The following DNM2 variants were observed in gnomAD, a reference collection of about 807,000 sequenced individuals.
DNM2 encodes dynamin 2.
DNM2 carries 15 observed loss-of-function variants against 99.0 expected under a neutral mutation model. The observed-to-expected ratio is 0.15, with a 90% CI of 0.10 to 0.23. The LOEUF (loss-of-function observed/expected upper bound fraction) is 0.23. Among genes scored for constraint, DNM2 ranks in the 10% least tolerant of loss-of-function variants. The pLI is 1.00. For missense variants in DNM2, 742 were observed against 1,189.4 expected (o/e 0.62, Z 5.53); for synonymous variants, 525 against 481.2 (o/e 1.09, Z -1.19).
At chr19:10,781,836 A>C (rs770067566) in intron 5 of DNM2, 8 of 151,848 alleles carry the variant, frequency 5.3e-5, no homozygotes, top group Non-Finnish European at 4.4e-5. Context: ...GTGTGTATTG[A>C]ATTATCCAGC....
chr19:10,735,513 A>T (rs1384811533), intron 1 of DNM2, among the ~76,000 whole-genome samples: 1 of 151,502 alleles, frequency 6.6e-6, no homozygotes, highest in Non-Finnish European at 1.5e-5. Context: ...ATCATGGAAA[A>T]TTTTATTTTT....
At chr19:10,779,257 T>G (rs2145939128) in intron 5 of DNM2, among the ~76,000 whole-genome samples, 1 of 151,624 alleles carries the variant, frequency 6.6e-6, no homozygotes, top group South Asian at 2.1e-4. Context: ...TTTTATTTTA[T>G]CGGAGCAGCA....
rs1599641906 is a variant in DNM2 at position 10,830,487 on chromosome 19, G to C, written c.2543+109G>C. On this transcript the variant is annotated intron_variant, in intron 20 of 20. Transcript: ENST00000389253. This position sits in a 1 kb window ranked among gnomAD's most constrained non-coding sequence, Gnocchi z 4.8. ...CACTACGTGCCCAGCTGCTGGAGTG[G>C]AGGAATCGTCCTCATCCCTATTTGG... 1.5e-6 allele frequency: 2 copies of C among 1,294,580 alleles called. No homozygotes were observed. The highest frequency in any genetic ancestry group is 4.9e-5 in the East Asian group (2 of 40,866). 80.2% of individuals were successfully genotyped at this position (1,294,580 alleles called of 1,614,324 possible).
intron 14 of DNM2, chr19:10,808,915 C>G: frequency 3.4e-6 from 1 of 292,008 alleles, no homozygotes; most frequent in Non-Finnish European, 6.5e-6. Flanking sequence ...TGGAAGATCT[C>G]GCTTAAGCCA....
intron 6 of DNM2, chr19:10,786,312 G>A: frequency 3.4e-6 from 2 of 582,504 alleles, no homozygotes; most frequent in Admixed American, 2.6e-5. Context: ...GCGTGGATAG[G>A]CCCAGTGCCT....
chr19:10,785,046 A>G (rs1447893211), intron 6 of DNM2, among the ~76,000 whole-genome samples: 1 of 151,816 alleles, frequency 6.6e-6, no homozygotes, highest in African/African-American at 2.4e-5. Flanking sequence ...CTTGTCTCCT[A>G]ATCTCAGGTG....
chr19:10,789,891 A>G (rs776005830), intron 7 of DNM2, among the ~76,000 whole-genome samples: 3 of 152,224 alleles, frequency 2.0e-5, no homozygotes, highest in African/African-American at 7.2e-5. Flanking sequence ...TGTTAAGCCT[A>G]TGGCAGGACT....
Position 10,795,597 on chromosome 19 carries a change from A to C in DNM2, c.1196+158A>C, listed in dbSNP as rs186856304. ...TGCGAGCCCCTCCCTGAGGGTCTCC[A>C]AGGGCACATGAGGGTGGATGTGTCT... On this transcript the variant is annotated intron_variant, in intron 9 of 20. Coordinates refer to ENST00000389253, the MANE Select transcript of DNM2 (RefSeq NM_001005361.3). This position sits in a 1 kb window ranked among gnomAD's most constrained non-coding sequence, Gnocchi z 4.2. The C allele has an allele frequency of 9.0e-4, 700 of 778,228 alleles. 2 individuals are homozygous for C. The African/African-American group carries it at 0.011, about 12-fold the overall frequency. 48.2% of individuals were successfully genotyped at this position (778,228 alleles called of 1,614,324 possible).
Position 10,795,309 on chromosome 19 carries a change from GC to G in DNM2, c.1129-62del. On this transcript the variant is annotated intron_variant, in intron 8 of 20. Coordinates refer to ENST00000389253, the MANE Select transcript of DNM2 (RefSeq NM_001005361.3). The surrounding 1 kb of genome is among the most constrained non-coding windows in gnomAD (Gnocchi z 4.2). Reference sequence around the variant, plus strand: ...ACGTGGGAGAGAACGTTCCCCAGATGCACGCCTGCCACGGGGGCGCCCCGGG... The same window carrying G: ...ACGTGGGAGAGAACGTTCCCCAGATGACGCCTGCCACGGGGGCGCCCCGGG... 2 of 1,507,086 alleles carry G rather than the reference GC, an allele frequency of 1.3e-6. No individual in the cohort carries two copies. The highest frequency in any genetic ancestry group is 1.8e-6 in the Non-Finnish European group (2 of 1,083,054). 93.4% of individuals were successfully genotyped at this position (1,507,086 alleles called of 1,614,324 possible).
chr19:10,718,407 A>AGCGGGCGCGGCAGGGATC lies in DNM2; in HGVS notation c.161+12_161+29dup, dbSNP rs750378486. 28 of 1,467,626 alleles carry AGCGGGCGCGGCAGGGATC rather than the reference A, an allele frequency of 1.9e-5. No homozygotes were observed. The Admixed American group carries it at 2.6e-4, about 13-fold the overall frequency. 90.9% of individuals were successfully genotyped at this position (1,467,626 alleles called of 1,614,324 possible). On this transcript the variant is annotated splice_donor_region_variant and intron_variant, in intron 1 of 20. Transcript: ENST00000389253. ...TGCTGGAGAACTTCGTGGGCCGGTG[A>AGCGGGCGCGGCAGGGATC]GCGGGCGCGGCAGGGATCGCGGGCG...
chr19:10,780,098 A>G (rs1032168986), intron 5 of DNM2, among the ~76,000 whole-genome samples: 4 of 152,056 alleles, frequency 2.6e-5, no homozygotes, highest in African/African-American at 7.2e-5. Flanking sequence ...TGTCTGAGAT[A>G]GATGTGGGGA....
intron 1 of DNM2, among the ~76,000 whole-genome samples, chr19:10,729,905 C>G (rs1378374835): frequency 6.6e-6 from 1 of 151,786 alleles, no homozygotes; most frequent in Non-Finnish European, 1.5e-5. Context: ...CTCTGTCACC[C>G]AGGCTGGAGT....
intron 13 of DNM2, among the ~76,000 whole-genome samples, chr19:10,807,040 C>T (rs1203499693): frequency 1.3e-5 from 2 of 152,046 alleles, no homozygotes; most frequent in African/African-American, 2.4e-5. Flanking sequence ...GAAATATGAA[C>T]GGCTGTATCA....
At chr19:10,782,461 C>T (rs181444596) in intron 5 of DNM2, among the ~76,000 whole-genome samples, 124 of 151,964 alleles carry the variant, frequency 8.2e-4, no homozygotes, top group African/African-American at 2.7e-3. Flanking sequence ...CGGGTTCAAG[C>T]GGTTCTCCTG....
At chr19:10,735,080 G>A (rs2069473543) in intron 1 of DNM2, among the ~76,000 whole-genome samples, 1 of 152,024 alleles carries the variant, frequency 6.6e-6, no homozygotes, top group South Asian at 2.1e-4. Flanking sequence ...GTCTTGCTCT[G>A]TCGCCCAGGC....
Position 10,830,213 on chromosome 19 carries a change from T to C in DNM2, c.2378T>C (p.Leu793Pro), listed in dbSNP as rs770094932. Residue 793 changes from leucine to proline, a missense_variant, in exon 20 of 21, where the codon CTG becomes CCG. This residue lies in a region of DNM2 where 187 missense variants were observed against 218.8 expected (regional missense o/e 0.85). Coordinates refer to ENST00000389253, the MANE Select transcript of DNM2 (RefSeq NM_001005361.3). This position sits in a 1 kb window ranked among gnomAD's most constrained non-coding sequence, Gnocchi z 4.8. Reference protein sequence around the residue: ...AVRGPTPGPPLIPVPVGAAAS... With the variant: ...AVRGPTPGPPPIPVPVGAAAS... Reference sequence around the variant, plus strand: ...AGGGGCCCCACTCCAGGGCCCCCCCTGATTCCTGTTCCCGTGGGGGCAGCA... The same window carrying C: ...AGGGGCCCCACTCCAGGGCCCCCCCCGATTCCTGTTCCCGTGGGGGCAGCA... 5.6e-6 allele frequency: 9 copies of C among 1,613,616 alleles called. No individual in the cohort carries two copies. Among genetic ancestry groups the C allele is most frequent in the Middle Eastern group, 1.6e-4 (1 of 6,080 alleles).
chr19:10,798,637 C>G (rs1415554577), intron 11 of DNM2, 65 bp downstream of exon 11: 1 of 1,583,042 alleles, frequency 6.3e-7, no homozygotes, highest in African/African-American at 1.3e-5. Context: ...GTGTACTGTT[C>G]TGTGCATGCT....
rs2072563054 is a variant in DNM2 at position 10,811,978 on chromosome 19, A to G, written c.1558-286A>G. ...ACAGCCCCACACACAAGCCCCAGGG[A>G]CTCCTCCCATGGGCCCCTTTCCATC... On this transcript the variant is annotated intron_variant, in intron 14 of 20. Transcript: ENST00000389253. The surrounding 1 kb of genome is among the most constrained non-coding windows in gnomAD (Gnocchi z 5.4). 2 of 474,612 alleles carry G rather than the reference A, an allele frequency of 4.2e-6. No individual in the cohort carries two copies. Among genetic ancestry groups the G allele is most frequent in the Non-Finnish European group, 8.3e-6 (2 of 239,914 alleles). The allele number at this position is 474,612 out of a possible 1,614,324, so 29.4% of individuals were successfully genotyped here. A position where few individuals can be genotyped will look rare whatever the true frequency, so the allele number is the denominator to read the frequency against.
intron 2 of DNM2, among the ~76,000 whole-genome samples, chr19:10,763,940 G>T (rs1078654): frequency 0.94 from 143,098 of 151,944 alleles, 67,579 homozygotes; most frequent in East Asian, 1. Flanking sequence ...CTGGTGGTGC[G>T]GGCAGATGCC....
Sources: allele counts gnomAD v4.1 joint callset (sites outside exome capture counted in the v4.1 genomes callset), GRCh38; gene constraint gnomAD v4.1.1; regional missense constraint gnomAD v4.1.1; non-coding constraint Gnocchi (gnomAD v3.1); transcripts MANE v1.5; gene names NCBI Gene and HGNC (gene_info 2026-07-23, HGNC 2026-07-21).